DDX6: variants seen among roughly 807,000 people sequenced by gnomAD.
The protein encoded by DDX6 is DEAD-box helicase 6.
Under a neutral mutation model 60.6 loss-of-function variants are expected in DDX6, and 7 were observed. The observed-to-expected ratio is 0.12, with a 90% CI of 0.07 to 0.22. The LOEUF is 0.22. DDX6 is among the 10% of genes least tolerant of loss of function. The probability of loss-of-function intolerance (pLI) is 1.00; values close to 1 mark genes in which losing one functional copy is unlikely to be tolerated. For missense variants in DDX6, 270 were observed against 589.9 expected (o/e 0.46, Z 5.62); for synonymous variants, 207 against 201.0 (o/e 1.03, Z -0.25).
intron 4 of DDX6, among the ~76,000 whole-genome samples, chr11:118,777,503 A>C (rs1334019107): frequency 2.0e-5 from 3 of 152,170 alleles, no homozygotes; most frequent in African/African-American, 4.8e-5. Flanking sequence ...TTGGTCCCTA[A>C]TACTACTCCA....
Position 118,781,243 on chromosome 11 carries a change from T to G in DDX6, c.201-59A>C, listed in dbSNP as rs990183257. On this transcript the variant is annotated intron_variant, in intron 2 of 13. Transcript: ENST00000534980. ...ATTCATAGCATCCTAACAAAGATGA[T>G]TCATCTCAATTATAATTAAGTGTTA... is the stretch of plus-strand genomic sequence containing the variant. 5 of 1,034,022 alleles carry G rather than the reference T, an allele frequency of 4.8e-6. No individual in the cohort carries two copies. In the South Asian group the frequency reaches 5.9e-5, roughly 12 times the overall value. 64.1% of individuals were successfully genotyped at this position (1,034,022 alleles called of 1,614,324 possible).
At chr11:118,765,157 T>C (rs1180209145) in intron 6 of DDX6, 52 bp downstream of exon 6, 1 of 1,583,074 alleles carries the variant, frequency 6.3e-7, no homozygotes, top group African/African-American at 1.3e-5. Flanking sequence ...ACTGAAATAC[T>C]TGTGACTAAA....
At chr11:118,758,633 G>C (rs998149119) in intron 9 of DDX6, 141 bp downstream of exon 9, 9 of 931,814 alleles carry the variant, frequency 9.7e-6, no homozygotes, top group Admixed American at 6.0e-5. Flanking sequence ...AGCCTCCAAA[G>C]TGCTGGGAGG....
chr11:118,759,796 G>C (rs1861105121), intron 8 of DDX6, 126 bp downstream of exon 8: 1 of 1,083,908 alleles, frequency 9.2e-7, no homozygotes, highest in Non-Finnish European at 1.2e-6. Flanking sequence ...ATCAACTGAA[G>C]AAAGAGCCAA....
chr11:118,754,610 A>G, intron 13 of DDX6, 95 bp downstream of exon 13: 1 of 1,108,478 alleles, frequency 9.0e-7, no homozygotes, highest in East Asian at 2.4e-5. Flanking sequence ...CTTTATTGCT[A>G]TTATATATGG....
intron 1 of DDX6, chr11:118,789,504 CCTT>C (rs1467541537): frequency 5.3e-5 from 8 of 152,104 alleles, no homozygotes; most frequent in East Asian, 3.8e-4. Context: ...AGAAAATGCT[CCTT>C]GATTATGCCT....
rs1555156927 is a variant in DDX6, at chr11:118,750,441, G to GGCAA, written c.*1660_*1663dup. 6.6e-6 allele frequency: 1 copy of GGCAA among 152,094 alleles called. No individual in the cohort carries two copies. Among genetic ancestry groups the GGCAA allele is most frequent in the Admixed American group, 6.6e-5 (1 of 15,258 alleles). 9.4% of individuals were successfully genotyped at this position (152,094 alleles called of 1,614,324 possible). A position where few individuals can be genotyped will look rare whatever the true frequency, so the allele number is the denominator to read the frequency against. On this transcript the variant is annotated 3_prime_UTR_variant, in exon 14 of 14. Transcript: ENST00000534980. The stretch of plus-strand genomic sequence containing the variant: ...AATTCTTGTCACAATGCAAGAGAAT[G>GGCAA]GCAAGCAGCTTTCTGTAGCATGAAA...
chr11:118,756,390 T>G, intron 10 of DDX6, 67 bp from the exon 11 acceptor site: 1 of 1,290,266 alleles, frequency 7.8e-7, no homozygotes, highest in Non-Finnish European at 1.1e-6. Flanking sequence ...CCATAATTAT[T>G]TCTCCCAGAC....
At chr11:118,753,503 C>T (rs1199698316) in intron 13 of DDX6, among the ~76,000 whole-genome samples, 1 of 151,472 alleles carries the variant, frequency 6.6e-6, no homozygotes, top group East Asian at 2.0e-4. Context: ...CCATGCCCGG[C>T]TAATTTTTGT....
intron 1 of DDX6, chr11:118,789,843 C>T (rs1359204267): frequency 6.6e-6 from 1 of 152,190 alleles, no homozygotes; most frequent in Non-Finnish European, 1.5e-5. Flanking sequence ...GAAACCTGCA[C>T]TGCAGCTTTT....
chr11:118,758,393 G>A (rs1015530810), intron 9 of DDX6, among the ~76,000 whole-genome samples: 1 of 151,092 alleles, frequency 6.6e-6, no homozygotes, highest in Non-Finnish European at 1.5e-5. Flanking sequence ...TTCTTCCCAA[G>A]ACGGAGTCTT....
intron 13 of DDX6, among the ~76,000 whole-genome samples, chr11:118,754,335 A>T (rs1165776344): frequency 2.0e-5 from 3 of 152,250 alleles, no homozygotes; most frequent in Non-Finnish European, 4.4e-5. Context: ...GGAGCCCAGG[A>T]GAACCAGGCT....
At chr11:118,787,779 TAC>T (rs1340027951) in intron 1 of DDX6, 1 of 152,172 alleles carries the variant, frequency 6.6e-6, no homozygotes, top group East Asian at 1.9e-4. Context: ...ACGGATGATA[TAC>T]ACAAATTTTG....
chr11:118,785,978 T>A, intron 2 of DDX6, 74 bp downstream of exon 2: 1 of 1,436,322 alleles, frequency 7.0e-7, no homozygotes, highest in Non-Finnish European at 9.6e-7. Flanking sequence ...GCATAAGTAT[T>A]AATAGTCAAC....
chr11:118,761,134 C>G (rs1555160090), intron 7 of DDX6, among the ~76,000 whole-genome samples: 3 of 151,812 alleles, frequency 2.0e-5, no homozygotes, highest in African/African-American at 7.3e-5. Context: ...GAGCAAGACT[C>G]TGTCTCAAAA....
At position 118,786,188 on chromosome 11, in the gene DDX6, T is replaced by C; in HGVS notation, c.64A>G (p.Arg22Gly). ...MGLSSQNGQL[R>G]GPVKPTGGPG... ...CCACCAGTGGGTTTCACAGGGCCTCTCAGCTGACCATTTTGACTGGACAGA... is the reference window on the plus strand; with the variant it reads ...CCACCAGTGGGTTTCACAGGGCCTCCCAGCTGACCATTTTGACTGGACAGA... The change falls in exon 2 of 14, where the codon AGA becomes GGA. Residue 22 changes from arginine (R) to glycine (G), a missense_variant. This residue lies in a region of DDX6 where 102 missense variants were observed against 110.5 expected (regional missense o/e 0.92). Transcript: ENST00000534980. 6.2e-7 allele frequency: 1 copy of C among 1,614,002 alleles called. No individual in the cohort carries two copies. Among genetic ancestry groups the C allele is most frequent in the Non-Finnish European group, 8.5e-7 (1 of 1,179,880 alleles).
Position 118,772,923 on chromosome 11 carries a change from G to T in DDX6, c.370-4571C>A, listed in dbSNP as rs184683473. Among the ~76,000 whole-genome samples, 5 of 152,308 alleles carry T rather than the reference G, an allele frequency of 3.3e-5. No homozygotes were observed. In the East Asian group the frequency reaches 9.6e-4, roughly 29 times the overall value. The stretch of plus-strand genomic sequence containing the variant: ...GTGGTAGACACATAGCCCACACTGG[G>T]CCAGCGGAATGTTGCCTCCTAAGAA... On this transcript the variant is annotated intron_variant, in intron 4 of 13. Coordinates refer to ENST00000534980, the MANE Select transcript of DDX6 (RefSeq NM_004397.6).
intron 9 of DDX6, among the ~76,000 whole-genome samples, chr11:118,758,197 AC>A (rs1475654742): frequency 6.6e-6 from 1 of 152,200 alleles, no homozygotes; most frequent in Non-Finnish European, 1.5e-5. Flanking sequence ...AATTCTAGTG[AC>A]TAAGCAAATT....
At chr11:118,756,218 T>C (rs782626975) in intron 11 of DDX6, 42 bp downstream of exon 11, 1 of 1,569,478 alleles carries the variant, frequency 6.4e-7, no homozygotes, top group Non-Finnish European at 8.8e-7. Flanking sequence ...AAAAACAACT[T>C]GGGAGAAAAA....
Sources: allele counts gnomAD v4.1 joint callset (sites outside exome capture counted in the v4.1 genomes callset), GRCh38; gene constraint gnomAD v4.1.1; regional missense constraint gnomAD v4.1.1; transcripts MANE v1.5; gene names NCBI Gene and HGNC (gene_info 2026-07-23, HGNC 2026-07-21).